Variants in CADPS observed in about 807,000 individuals in gnomAD.
CADPS encodes the protein calcium dependent secretion activator, also known as calcium-dependent secretion activator 1.
Under a neutral mutation model 167.3 loss-of-function variants are expected in CADPS, and 57 were observed. The ratio of observed to expected loss-of-function variants is 0.34; its 90% CI spans 0.28 to 0.42. CADPS has a LOEUF of 0.42. CADPS is among the 20% of genes least tolerant of loss of function. CADPS has a pLI of 1.00. For synonymous variants in CADPS, 676 were observed against 635.3 expected (o/e 1.06, Z -0.96); for missense variants, 1,414 against 1,738.1 (o/e 0.81, Z 3.32).
chr3:62,510,525 A>G (rs1304274124), intron 17 of CADPS, among the ~76,000 whole-genome samples: 1 of 152,160 alleles, frequency 6.6e-6, no homozygotes, highest in Non-Finnish European at 1.5e-5. Context: ...CTTTTCTTTC[A>G]TAGACTAGCA....
intron 13 of CADPS, among the ~76,000 whole-genome samples, chr3:62,520,534 C>G (rs1241613924): frequency 2.6e-5 from 4 of 152,166 alleles, no homozygotes; most frequent in African/African-American, 9.7e-5. Flanking sequence ...GTAGTGTTGT[C>G]TCTTAAATTT....
intron 1 of CADPS, among the ~76,000 whole-genome samples, chr3:62,772,722 G>T (rs150023978): frequency 0.023 from 3,462 of 152,258 alleles, 65 homozygotes; most frequent in South Asian, 0.061. Flanking sequence ...CATGGAAGAA[G>T]GCATACTTAC....
At chr3:62,687,610 G>A (rs1238121118) in intron 3 of CADPS, among the ~76,000 whole-genome samples, 1 of 151,934 alleles carries the variant, frequency 6.6e-6, no homozygotes, top group African/African-American at 2.4e-5. Context: ...TCAGTTTTCA[G>A]GGGTGATTAT....
intron 1 of CADPS, among the ~76,000 whole-genome samples, chr3:62,806,362 A>T (rs1211461376): frequency 0.044 from 42 of 944 alleles, 1 homozygote; most frequent in Admixed American, 0.14. Flanking sequence ...GTCTTTAGTT[A>T]AAAAAAAAAA....
chr3:62,812,199 G>C (rs769679397), intron 1 of CADPS, among the ~76,000 whole-genome samples: 1 of 152,102 alleles, frequency 6.6e-6, no homozygotes, highest in Non-Finnish European at 1.5e-5. Context: ...ATTTTTGGTG[G>C]TGGAAAGACA....
chr3:62,839,196 TTTG>T (rs912290291), intron 1 of CADPS, among the ~76,000 whole-genome samples: 5 of 151,968 alleles, frequency 3.3e-5, no homozygotes, highest in African/African-American at 9.7e-5. Flanking sequence ...CAGGGACTAT[TTTG>T]TTGTTGTTTT....
chr3:62,455,089 C>CA lies in CADPS; in HGVS notation c.3637-9293_3637-9292insT, dbSNP rs2058529236. On this transcript the variant is annotated intron_variant, in intron 26 of 29. Coordinates refer to ENST00000383710, the MANE Select transcript of CADPS (RefSeq NM_003716.4). This position sits in a 1 kb window ranked among gnomAD's most constrained non-coding sequence, Gnocchi z 4.4. ...TCCTGTTGTTCAGGGTACTGTGCTC[C>CA]GAGACTAGATCCAGGAAGTGTATGT... is the stretch of plus-strand genomic sequence containing the variant. Among the ~76,000 whole-genome samples the CA allele has an allele frequency of 6.6e-6, 1 of 151,540 alleles. No homozygotes were observed. The highest frequency in any genetic ancestry group is 1.5e-5 in the Non-Finnish European group (1 of 67,874).
At position 62,571,092 on chromosome 3, in the gene CADPS, C is replaced by A. The variant is rs111954972; in HGVS notation, c.1578-154G>T. Among the ~76,000 whole-genome samples, 1,083 of 152,282 alleles carry A rather than the reference C, an allele frequency of 7.1e-3. 15 individuals are homozygous for A. Among genetic ancestry groups the A allele is most frequent in the African/African-American group, 0.025 (1,020 of 41,552 alleles). The stretch of plus-strand genomic sequence containing the variant: ...TTGGAGCTCTGTGGTTGAGCATAAA[C>A]AACAGCAAGCACTTTTCACTTCCAC... On this transcript the variant is annotated intron_variant, in intron 8 of 29. Transcript: ENST00000383710.
At chr3:62,405,481 C>T (rs1003764707) in intron 28 of CADPS, among the ~76,000 whole-genome samples, 1 of 151,960 alleles carries the variant, frequency 6.6e-6, no homozygotes, top group African/African-American at 2.4e-5. Flanking sequence ...AACGCAACCC[C>T]CTGCCGCCCC....
chr3:62,737,298 C>CA, intron 3 of CADPS, among the ~76,000 whole-genome samples: 1 of 151,474 alleles, frequency 6.6e-6, no homozygotes. Context: ...AAATTAAAAA[C>CA]AAAAACAAAA....
intron 1 of CADPS, among the ~76,000 whole-genome samples, chr3:62,775,876 A>G (rs1013681079): frequency 6.6e-6 from 1 of 152,182 alleles, no homozygotes; most frequent in African/African-American, 2.4e-5. Context: ...TGGTTTCATC[A>G]AGGAAAGTAT....
intron 1 of CADPS, among the ~76,000 whole-genome samples, chr3:62,819,001 T>A (rs1276023586): frequency 6.6e-6 from 1 of 152,078 alleles, no homozygotes. Context: ...ATAAGAACAG[T>A]TACTGGCTCC....
At chr3:62,845,457 T>C (rs2077262087) in intron 1 of CADPS, among the ~76,000 whole-genome samples, 1 of 152,192 alleles carries the variant, frequency 6.6e-6, no homozygotes, top group Non-Finnish European at 1.5e-5. Context: ...TTAGGTCATT[T>C]TGAAGATGAA....
chr3:62,859,369 C>T (rs924502071), intron 1 of CADPS, among the ~76,000 whole-genome samples: 2 of 152,112 alleles, frequency 1.3e-5, no homozygotes, highest in Non-Finnish European at 2.9e-5. Flanking sequence ...TGACACATTA[C>T]GCCCCTCTTT....
rs766768742 is a variant in CADPS at position 62,585,176 on chromosome 3, A to G, written c.1577+9T>C. On this transcript the variant is annotated intron_variant, in intron 8 of 29. Transcript: ENST00000383710. ...GTCCAAAACTGCTAGTTGGGGAAGA[A>G]ACACTTACCCAGAATGCTTCATGTT... 1 of 1,612,392 alleles carries G rather than the reference A, an allele frequency of 6.2e-7. No homozygotes were observed. The highest frequency in any genetic ancestry group is 8.5e-7 in the Non-Finnish European group (1 of 1,178,510).
intron 9 of CADPS, among the ~76,000 whole-genome samples, chr3:62,565,030 C>T (rs775626006): frequency 6.6e-5 from 10 of 152,132 alleles, no homozygotes; most frequent in Admixed American, 1.3e-4. Context: ...CACACACACA[C>T]GGGGTGGGGC....
intron 1 of CADPS, among the ~76,000 whole-genome samples, chr3:62,833,704 G>A (rs1299820839): frequency 6.6e-6 from 1 of 151,952 alleles, no homozygotes; most frequent in East Asian, 2.0e-4. Context: ...CTCCATTAGG[G>A]GGCATGAGGG....
chr3:62,844,580 C>T (rs1414549117), intron 1 of CADPS, among the ~76,000 whole-genome samples: 4 of 152,116 alleles, frequency 2.6e-5, no homozygotes, highest in Admixed American at 2.6e-4. Flanking sequence ...TGAGGAAAAA[C>T]AAATAATCTA....
chr3:62,606,521 C>A (rs1029556286), intron 6 of CADPS, among the ~76,000 whole-genome samples: 6 of 152,106 alleles, frequency 3.9e-5, no homozygotes, highest in African/African-American at 1.4e-4. Flanking sequence ...CAGATTCAGC[C>A]CCTTGACCTT....
Sources: gnomAD v4.1 joint callset for allele counts (sites outside exome capture counted in the v4.1 genomes callset) on GRCh38, gnomAD v4.1.1 for gene constraint, Gnocchi (gnomAD v3.1) non-coding constraint, MANE v1.5 for transcripts, NCBI Gene and HGNC (gene_info 2026-07-23, HGNC 2026-07-21) for gene names.